Variants in TAF1B observed in about 807,000 individuals in gnomAD.
TAF1B encodes TATA box-binding protein-associated factor RNA polymerase I subunit B.
TAF1B carries 61 observed loss-of-function variants against 83.9 expected under a neutral mutation model. That is an observed-to-expected ratio of 0.73 (90% CI 0.59 to 0.90). The LOEUF is 0.90. TAF1B is among the 40% of genes least tolerant of loss of function. The pLI is 0.00. For missense variants in TAF1B, 625 were observed against 677.0 expected, an observed-to-expected ratio of 0.92 and a Z score of 0.85; for synonymous variants, 221 against 224.6, an observed-to-expected ratio of 0.98 and a Z score of 0.14.
intron 9 of TAF1B, among the ~76,000 whole-genome samples, 159 bp downstream of exon 9, chr2:9,905,165 C>A (rs1267326690): frequency 6.6e-6 from 1 of 152,096 alleles, no homozygotes; most frequent in Non-Finnish European, 1.5e-5. Flanking sequence ...TAATTCAGAC[C>A]TTTTAAAATC....
Position 9,870,150 on chromosome 2 carries a change from A to C in TAF1B, c.553+1721A>C, listed in dbSNP as rs564487665. On this transcript the variant is annotated intron_variant, in intron 6 of 14. Coordinates refer to ENST00000263663, the MANE Select transcript of TAF1B (RefSeq NM_005680.3). ...TCAAAACTCTACAAATCATTCTATA[A>C]GTCTTGTTATAAAAAAATCGTAAAA... Among the ~76,000 whole-genome samples, 3 of 152,146 alleles carry C rather than the reference A, an allele frequency of 2.0e-5. No individual in the cohort carries two copies. The South Asian group carries it at 6.2e-4, about 32-fold the overall frequency.
At chr2:9,853,264 G>A (rs1359502512) in intron 4 of TAF1B, among the ~76,000 whole-genome samples, 2 of 152,184 alleles carry the variant, frequency 1.3e-5, no homozygotes, top group Non-Finnish European at 2.9e-5. Context: ...GTGGCATTAT[G>A]CCATGTACAC....
At chr2:9,911,871 G>A (rs1665543930) in intron 11 of TAF1B, among the ~76,000 whole-genome samples, 2 of 152,022 alleles carry the variant, frequency 1.3e-5, no homozygotes, top group African/African-American at 2.4e-5. Context: ...GATGCTTTCA[G>A]CCTTTGCTCT....
chr2:9,922,309 T>G (rs1290789911), intron 14 of TAF1B, among the ~76,000 whole-genome samples: 1 of 152,142 alleles, frequency 6.6e-6, no homozygotes, highest in African/African-American at 2.4e-5. Context: ...AACACGGCCC[T>G]CTTGACCTTC....
chr2:9,930,132 C>G (rs1019356050), intron 14 of TAF1B, among the ~76,000 whole-genome samples: 1 of 126,648 alleles, frequency 7.9e-6, no homozygotes, highest in Non-Finnish European at 1.9e-5. Flanking sequence ...AACCAGCTCC[C>G]GGATTCATTG....
chr2:9,922,759 G>A (rs1052502740), intron 14 of TAF1B, among the ~76,000 whole-genome samples: 5 of 152,004 alleles, frequency 3.3e-5, no homozygotes, highest in African/African-American at 7.3e-5. Flanking sequence ...AAATCCCAGC[G>A]GCTAGACCAG....
intron 4 of TAF1B, among the ~76,000 whole-genome samples, chr2:9,853,749 C>T (rs1385474481): frequency 5.9e-5 from 9 of 152,116 alleles, no homozygotes. Flanking sequence ...TAGTGAGCCA[C>T]CGTGCCCAGC....
At position 9,925,978 on chromosome 2, in the gene TAF1B, T is replaced by G. The variant is rs144109117; in HGVS notation, c.1565+6158T>G. Among the ~76,000 whole-genome samples, 185 of 152,266 alleles carry G rather than the reference T, an allele frequency of 1.2e-3. 1 individual carries two copies. Among genetic ancestry groups the G allele is most frequent in the African/African-American group, 4.4e-3 (182 of 41,548 alleles). ...AATGTCTATAGCTTCTATATGTTATTTCTTTACTTGCTTTTTAAAGTTGAT... is the reference window on the plus strand; with the variant it reads ...AATGTCTATAGCTTCTATATGTTATGTCTTTACTTGCTTTTTAAAGTTGAT... On this transcript the variant is annotated intron_variant, in intron 14 of 14. Transcript: ENST00000263663.
At chr2:9,908,291 C>T (rs1055418159) in intron 9 of TAF1B, among the ~76,000 whole-genome samples, 2 of 151,974 alleles carry the variant, frequency 1.3e-5, no homozygotes, top group Non-Finnish European at 2.9e-5. Context: ...AGGTGATCTG[C>T]CCACCTTGGC....
At chr2:9,875,175 G>A (rs1664286382) in intron 6 of TAF1B, among the ~76,000 whole-genome samples, 1 of 151,950 alleles carries the variant, frequency 6.6e-6, no homozygotes, top group Admixed American at 6.6e-5. Flanking sequence ...TGTTGACCAG[G>A]CTGGTTTCGA....
intron 8 of TAF1B, among the ~76,000 whole-genome samples, chr2:9,898,607 C>A (rs400098): frequency 0.93 from 142,123 of 152,240 alleles, 67,125 homozygotes; most frequent in East Asian, 1. Flanking sequence ...AAGTATCCTT[C>A]CTCTCTCTGT....
chr2:9,906,911 T>C (rs983663244), intron 9 of TAF1B, among the ~76,000 whole-genome samples: 2 of 152,190 alleles, frequency 1.3e-5, no homozygotes, highest in Non-Finnish European at 2.9e-5. Context: ...AAGATCTTGC[T>C]CTGTTGACCA....
intron 9 of TAF1B, among the ~76,000 whole-genome samples, chr2:9,906,258 T>C (rs948899690): frequency 3.3e-5 from 5 of 152,360 alleles, no homozygotes; most frequent in African/African-American, 1.2e-4. Context: ...ATAGGTTTTC[T>C]GGCTGTTATC....
intron 8 of TAF1B, among the ~76,000 whole-genome samples, chr2:9,896,239 AGAG>A (rs1370856437): frequency 3.9e-5 from 6 of 152,062 alleles, no homozygotes; most frequent in Non-Finnish European, 8.8e-5. Flanking sequence ...TTTTTCAAGA[AGAG>A]GAGGTTTGTG....
intron 14 of TAF1B, among the ~76,000 whole-genome samples, chr2:9,926,056 T>C (rs1250511567): frequency 2.0e-5 from 3 of 152,088 alleles, no homozygotes; most frequent in Non-Finnish European, 4.4e-5. Flanking sequence ...GAACCCCCCG[T>C]CTCTGTCACT....
chr2:9,912,438 TTGTG>T (rs1474443431), intron 11 of TAF1B, among the ~76,000 whole-genome samples: 5 of 152,180 alleles, frequency 3.3e-5, no homozygotes, highest in African/African-American at 1.2e-4. Flanking sequence ...AGCAATCAGT[TTGTG>T]TGTTCTTTCC....
intron 6 of TAF1B, among the ~76,000 whole-genome samples, chr2:9,874,678 T>C (rs1273430649): frequency 1.3e-5 from 2 of 152,178 alleles, no homozygotes; most frequent in African/African-American, 4.8e-5. Context: ...TCCTGAGACA[T>C]AGAAGAGTGG....
intron 14 of TAF1B, among the ~76,000 whole-genome samples, chr2:9,933,295 G>A (rs192145590): frequency 6.6e-6 from 1 of 152,204 alleles, no homozygotes; most frequent in Non-Finnish European, 1.5e-5. Context: ...GTAACGGAAG[G>A]CTTTCCTATT....
chr2:9,876,086 G>T (rs1421274264), intron 7 of TAF1B, 68 bp downstream of exon 7: 33 of 1,445,244 alleles, frequency 2.3e-5, no homozygotes, highest in African/African-American at 2.8e-5. Flanking sequence ...ACAAACTTCG[G>T]ATATTTTGAT....
Sources: gnomAD v4.1 joint callset for allele counts (sites outside exome capture counted in the v4.1 genomes callset) on GRCh38, gnomAD v4.1.1 for gene constraint, MANE v1.5 for transcripts, NCBI Gene and HGNC (gene_info 2026-07-23, HGNC 2026-07-21) for gene names.